The following CMC1 variants were observed in gnomAD, a reference collection of about 807,000 sequenced individuals.
CMC1 encodes the protein COX assembly mitochondrial protein homolog.
Under a neutral mutation model 14.1 loss-of-function variants are expected in CMC1, and 14 were observed. That is an observed-to-expected ratio of 0.99 (90% CI 0.66 to 1.55). The LOEUF (loss-of-function observed/expected upper bound fraction) is 1.55, where lower values mean the gene tolerates loss of function less well. Ranked by LOEUF, CMC1 falls within the 40% of genes most tolerant of loss-of-function variation. The pLI is 0.00. For synonymous variants in CMC1, 50 were observed against 38.4 expected, an observed-to-expected ratio of 1.30 and a Z score of -1.12; for missense variants, 127 against 123.8, an observed-to-expected ratio of 1.03 and a Z score of -0.12.
intron 1 of CMC1, among the ~76,000 whole-genome samples, chr3:28,252,868 T>C (rs1315136894): frequency 6.6e-5 from 10 of 152,240 alleles, no homozygotes; most frequent in African/African-American, 2.4e-4. Flanking sequence ...AGAACTGTTA[T>C]GAAGACTGTA....
intron 1 of CMC1, among the ~76,000 whole-genome samples, chr3:28,259,244 A>G (rs937998377): frequency 1.3e-5 from 2 of 152,082 alleles, no homozygotes; most frequent in African/African-American, 4.8e-5. Context: ...TTACATAACC[A>G]TGATATGTAT....
At chr3:28,283,658 A>G (rs564535930) in intron 2 of CMC1, among the ~76,000 whole-genome samples, 1 of 151,992 alleles carries the variant, frequency 6.6e-6, no homozygotes, top group South Asian at 2.1e-4. Context: ...TGAGCATTTT[A>G]TGTGGTGATT....
intron 2 of CMC1, among the ~76,000 whole-genome samples, chr3:28,283,553 A>ACAAAAAC (rs1553617262): frequency 1.3e-5 from 1 of 77,262 alleles, no homozygotes; most frequent in Non-Finnish European, 3.0e-5. Flanking sequence ...AACAAAAACA[A>ACAAAAAC]AAAAAAAAAA....
intron 1 of CMC1, among the ~76,000 whole-genome samples, chr3:28,254,917 A>C (rs1295625987): frequency 6.6e-6 from 1 of 152,226 alleles, no homozygotes; most frequent in East Asian, 1.9e-4. Flanking sequence ...GCAAAGAGGA[A>C]TTTGTGGAGA....
intron 2 of CMC1, among the ~76,000 whole-genome samples, chr3:28,299,098 T>A (rs943670859): frequency 2.0e-5 from 3 of 152,110 alleles, no homozygotes; most frequent in South Asian, 4.1e-4. Context: ...CTATTTGCCC[T>A]GTGTAAGATA....
At chr3:28,300,926 G>T in intron 2 of CMC1, among the ~76,000 whole-genome samples, 1 of 94,980 alleles carries the variant, frequency 1.1e-5, no homozygotes, top group African/African-American at 4.5e-5. Flanking sequence ...CCCCCCCGAC[G>T]TGTACACATG....
At chr3:28,263,775 A>AT (rs1159954757) in intron 2 of CMC1, among the ~76,000 whole-genome samples, 1 of 151,924 alleles carries the variant, frequency 6.6e-6, no homozygotes, top group African/African-American at 2.4e-5. Context: ...TTCTAAGGTG[A>AT]TTTTCTTTGG....
chr3:28,267,936 G>C (rs1168856211), intron 2 of CMC1, among the ~76,000 whole-genome samples: 1 of 152,160 alleles, frequency 6.6e-6, no homozygotes, highest in African/African-American at 2.4e-5. Context: ...TTTGTTGTTT[G>C]AGGTGTACCA....
intron 2 of CMC1, among the ~76,000 whole-genome samples, chr3:28,309,214 G>GT (rs1046871406): frequency 6.6e-6 from 1 of 152,040 alleles, no homozygotes. Flanking sequence ...TATCAAAACA[G>GT]TATCTTCAGA....
rs77271955 is a variant in CMC1, at chr3:28,280,331, A to G, written c.109+16951A>G. 2.1e-3 allele frequency among the ~76,000 whole-genome samples: 319 copies of G among 152,282 alleles called. 9 individuals carry two copies. In the East Asian group the frequency reaches 0.052, roughly 25 times the overall value. Reference sequence around the variant, plus strand: ...TATTCTGTAGTTTTCGGTGGTTTGTATTGCACAAAGGTATACTTTTGTTTC... The same window carrying G: ...TATTCTGTAGTTTTCGGTGGTTTGTGTTGCACAAAGGTATACTTTTGTTTC... On this transcript the variant is annotated intron_variant, in intron 2 of 3. Coordinates refer to ENST00000466830, the MANE Select transcript of CMC1 (RefSeq NM_182523.2).
intron 2 of CMC1, among the ~76,000 whole-genome samples, chr3:28,278,403 CT>C (rs1262822582): frequency 6.6e-6 from 1 of 152,082 alleles, no homozygotes; most frequent in Non-Finnish European, 1.5e-5. Flanking sequence ...AAAAATCTCT[CT>C]TATAAAGGGA....
intron 2 of CMC1, among the ~76,000 whole-genome samples, chr3:28,289,540 A>C (rs1294981740): frequency 1.4e-5 from 2 of 147,434 alleles, no homozygotes; most frequent in Non-Finnish European, 3.1e-5. Context: ...GAATTTTAGA[A>C]GTCATATAAT....
At chr3:28,302,303 G>T (rs1250260435) in intron 2 of CMC1, among the ~76,000 whole-genome samples, 1 of 152,128 alleles carries the variant, frequency 6.6e-6, no homozygotes, top group African/African-American at 2.4e-5. Context: ...ATCCTAGAAG[G>T]CTCCATGTTC....
intron 2 of CMC1, among the ~76,000 whole-genome samples, chr3:28,296,657 TAATAA>T (rs1021356034): frequency 1.3e-5 from 2 of 152,038 alleles, no homozygotes; most frequent in East Asian, 1.9e-4. Flanking sequence ...AATGTTAAAC[TAATAA>T]AATGTAGAAC....
At chr3:28,259,023 T>TG in intron 1 of CMC1, among the ~76,000 whole-genome samples, 1 of 152,278 alleles carries the variant, frequency 6.6e-6, no homozygotes, top group East Asian at 1.9e-4. Context: ...GTAGTATGAC[T>TG]TGTAATCGGG....
intron 2 of CMC1, among the ~76,000 whole-genome samples, chr3:28,309,871 C>G (rs540976248): frequency 3.9e-5 from 4 of 103,498 alleles, no homozygotes; most frequent in Non-Finnish European, 7.4e-5. Context: ...AAGCTAATTG[C>G]AAATATACAT....
intron 2 of CMC1, among the ~76,000 whole-genome samples, chr3:28,304,701 A>G (rs1577082150): frequency 6.6e-6 from 1 of 152,184 alleles, no homozygotes; most frequent in Non-Finnish European, 1.5e-5. Context: ...TATTCAAATA[A>G]TTTATAGAAG....
chr3:28,316,359 G>A lies in CMC1; in HGVS notation c.136G>A (p.Gly46Arg). 4.4e-6 allele frequency: 7 copies of A among 1,579,302 alleles called. No individual in the cohort carries two copies. Among genetic ancestry groups the A allele is most frequent in the Non-Finnish European group, 6.0e-6 (7 of 1,163,984 alleles). The change falls in exon 3 of 4, where the codon GGA (glycine) becomes AGA (arginine). Residue 46 changes from glycine to arginine, a missense_variant. Physicochemically the swap from Gly to Arg is moderately radical, Grantham distance 125. Transcript: ENST00000466830. ...TTTTACCAAATGTTGCAAGAACTCTGGAGTTCTTATGGTAGTAAAATGCCG... is the reference window on the plus strand; with the variant it reads ...TTTTACCAAATGTTGCAAGAACTCTAGAGTTCTTATGGTAGTAAAATGCCG... ...QDFTKCCKNS[G>R]VLMVVKCRKE...
intron 2 of CMC1, among the ~76,000 whole-genome samples, chr3:28,300,506 G>A (rs1020407846): frequency 1.3e-5 from 2 of 151,982 alleles, no homozygotes; most frequent in Non-Finnish European, 2.9e-5. Flanking sequence ...AGAGGGAGCT[G>A]GCTTTTTCAC....
Sources: gnomAD v4.1 joint callset for allele counts (sites outside exome capture counted in the v4.1 genomes callset) on GRCh38, gnomAD v4.1.1 for gene constraint, MANE v1.5 for transcripts, NCBI Gene and HGNC (gene_info 2026-07-23, HGNC 2026-07-21) for gene names.